SCAPER: variants seen among roughly 807,000 people sequenced by gnomAD.
SCAPER encodes the protein S phase cyclin A-associated protein in the endoplasmic reticulum.
A neutral mutation model predicts 182.2 loss-of-function variants in SCAPER; 98 were observed. That is an observed-to-expected ratio of 0.54 (90% CI 0.46 to 0.64). The LOEUF (loss-of-function observed/expected upper bound fraction) is 0.64, where lower values mean the gene tolerates loss of function less well. Ranked by LOEUF, SCAPER falls within the 30% of genes least tolerant of loss-of-function variation. SCAPER has a pLI of 0.00. For missense variants in SCAPER, 1,432 were observed against 1,690.0 expected, an observed-to-expected ratio of 0.85 and a Z score of 2.68; for synonymous variants, 605 against 564.6, an observed-to-expected ratio of 1.07 and a Z score of -1.01.
intron 20 of SCAPER, among the ~76,000 whole-genome samples, chr15:76,677,382 G>A (rs1439318821): frequency 1.3e-5 from 2 of 151,932 alleles, no homozygotes; most frequent in Non-Finnish European, 2.9e-5. Context: ...ACTAAACTGT[G>A]AGTCAAGAGA....
intron 25 of SCAPER, among the ~76,000 whole-genome samples, chr15:76,468,626 C>A (rs1009972353): frequency 6.6e-6 from 1 of 152,044 alleles, no homozygotes; most frequent in Non-Finnish European, 1.5e-5. Flanking sequence ...ACTCAAATGT[C>A]CCTCTTTTGT....
chr15:76,726,398 C>T (rs1287034457), intron 17 of SCAPER, among the ~76,000 whole-genome samples: 1 of 151,246 alleles, frequency 6.6e-6, no homozygotes, highest in Non-Finnish European at 1.5e-5. Flanking sequence ...AACCCTTGTG[C>T]AATGCTGCTG....
At chr15:76,563,234 T>C (rs1257101776) in intron 23 of SCAPER, among the ~76,000 whole-genome samples, 2 of 151,746 alleles carry the variant, frequency 1.3e-5, no homozygotes, top group Admixed American at 1.3e-4. Flanking sequence ...ATAGTTTTCA[T>C]TATTTTGTGC....
At chr15:76,793,201 T>C in intron 8 of SCAPER, 1 of 1,150,434 alleles carries the variant, frequency 8.7e-7, no homozygotes, top group African/African-American at 1.6e-5. Context: ...GTTCTATAGC[T>C]ACTGTTATTA....
chr15:76,774,505 G>A, intron 9 of SCAPER: 2 of 307,964 alleles, frequency 6.5e-6, no homozygotes, highest in Non-Finnish European at 1.2e-5. Context: ...TTTTATAATT[G>A]TAATGTGGTT....
chr15:76,654,817 G>C (rs1360051081), intron 21 of SCAPER, among the ~76,000 whole-genome samples: 2 of 152,178 alleles, frequency 1.3e-5, no homozygotes, highest in African/African-American at 4.8e-5. Context: ...CAGGGGGCCT[G>C]AATGCCATTA....
chr15:76,494,666 C>T (rs2040328810), intron 24 of SCAPER, among the ~76,000 whole-genome samples: 1 of 152,116 alleles, frequency 6.6e-6, no homozygotes. Flanking sequence ...CTCATTGACG[C>T]AACCTTCGAA....
intron 14 of SCAPER, among the ~76,000 whole-genome samples, chr15:76,761,234 T>C (rs12911902): frequency 0.38 from 58,004 of 151,980 alleles, 13,079 homozygotes; most frequent in Middle Eastern, 0.53. Flanking sequence ...TTTGAGTCTT[T>C]TTTTCTTAGA....
intron 15 of SCAPER, among the ~76,000 whole-genome samples, chr15:76,738,072 C>CT (rs755823493): frequency 3.3e-5 from 5 of 152,174 alleles, no homozygotes; most frequent in Non-Finnish European, 7.3e-5. Flanking sequence ...TTTCTCAAAA[C>CT]TTTTCCTTTG....
At chr15:76,426,763 C>A (rs990476827) in intron 26 of SCAPER, among the ~76,000 whole-genome samples, 1 of 152,074 alleles carries the variant, frequency 6.6e-6, no homozygotes, top group East Asian at 1.9e-4. Flanking sequence ...ATAGCCAAAG[C>A]AATCCTGAGC....
chr15:76,817,783 T>C (rs2067206188), intron 5 of SCAPER, among the ~76,000 whole-genome samples: 4 of 151,942 alleles, frequency 2.6e-5, no homozygotes, highest in Non-Finnish European at 4.4e-5. Flanking sequence ...ATGTATAAGA[T>C]CTATATTAGG....
At chr15:76,433,775 GA>G (rs2047016826) in intron 26 of SCAPER, among the ~76,000 whole-genome samples, 1 of 152,128 alleles carries the variant, frequency 6.6e-6, no homozygotes, top group Non-Finnish European at 1.5e-5. Flanking sequence ...GTTTATCATT[GA>G]GCATGTATTA....
At chr15:76,579,265 C>CAAAAAAAAA (rs71143342) in intron 22 of SCAPER, among the ~76,000 whole-genome samples, 2 of 49,496 alleles carry the variant, frequency 4.0e-5, no homozygotes, top group Admixed American at 3.7e-4. Context: ...GACTCTGTCT[C>CAAAAAAAAA]AAAAAAAAAA....
intron 21 of SCAPER, among the ~76,000 whole-genome samples, chr15:76,662,311 T>C (rs1301860908): frequency 6.6e-6 from 1 of 152,140 alleles, no homozygotes; most frequent in Non-Finnish European, 1.5e-5. Context: ...CTGCACATTC[T>C]GCACGTGTAT....
intron 18 of SCAPER, 56 bp from the exon 19 acceptor site, chr15:76,703,058 A>T: frequency 4.0e-6 from 6 of 1,492,740 alleles, no homozygotes; most frequent in Non-Finnish European, 5.4e-6. Context: ...TATGGTGAGA[A>T]ATTGGAAAAA....
chr15:76,412,101 A>T (rs980666932), intron 26 of SCAPER, among the ~76,000 whole-genome samples: 2 of 152,136 alleles, frequency 1.3e-5, no homozygotes, highest in African/African-American at 4.8e-5. Flanking sequence ...CTTTTCTTCC[A>T]TATGGATATC....
intron 20 of SCAPER, among the ~76,000 whole-genome samples, chr15:76,699,071 T>C (rs567776915): frequency 6.6e-6 from 1 of 152,234 alleles, no homozygotes; most frequent in Non-Finnish European, 1.5e-5. Flanking sequence ...AGCTTTGATG[T>C]TGTTGCTGTG....
intron 1 of SCAPER, among the ~76,000 whole-genome samples, chr15:76,903,921 G>T (rs2074932595): frequency 6.6e-6 from 1 of 152,164 alleles, no homozygotes; most frequent in Admixed American, 6.5e-5. Flanking sequence ...AAGGGTTGGG[G>T]CTGAGATTCA....
intron 21 of SCAPER, among the ~76,000 whole-genome samples, chr15:76,624,788 G>A (rs1238425399): frequency 6.6e-6 from 1 of 152,202 alleles, no homozygotes; most frequent in Non-Finnish European, 1.5e-5. Context: ...GGCGTTAGCA[G>A]GTCCAGGTGA....
Sources: gnomAD v4.1 joint callset for allele counts (sites outside exome capture counted in the v4.1 genomes callset) on GRCh38, gnomAD v4.1.1 for gene constraint, MANE v1.5 for transcripts, NCBI Gene and HGNC (gene_info 2026-07-23, HGNC 2026-07-21) for gene names.